LHX2: variants seen among roughly 807,000 people sequenced by gnomAD.
LHX2 encodes LIM/homeobox protein Lhx2.
LHX2 carries 6 observed loss-of-function variants against 33.0 expected under a neutral mutation model. That is an observed-to-expected ratio of 0.18 (90% CI 0.10 to 0.36). The LOEUF (loss-of-function observed/expected upper bound fraction) is 0.36. Ranked by LOEUF, LHX2 falls within the 10% of genes least tolerant of loss-of-function variation. LHX2 has a pLI of 1.00. For missense variants in LHX2, 442 were observed against 586.2 expected, an observed-to-expected ratio of 0.75 and a Z score of 2.54; for synonymous variants, 292 against 253.1, an observed-to-expected ratio of 1.15 and a Z score of -1.46.
In LHX2 at chr9:124,015,446, C is replaced by T. The variant is rs1288616885; in HGVS notation, c.648C>T (p.Gly216=). 1 of 1,572,450 alleles carries T rather than the reference C, an allele frequency of 6.4e-7. No individual in the cohort carries two copies. Among genetic ancestry groups the T allele is most frequent in the African/African-American group, 1.4e-5 (1 of 73,458 alleles). Residue 216 remains glycine (G), a synonymous_variant, in exon 3 of 5, where the codon GGC becomes GGT. Transcript: ENST00000373615. This position sits in a 1 kb window ranked among gnomAD's most constrained non-coding sequence, Gnocchi z 7.9. ...CTCTGGGTCTTCCCTACTACAATGG[C>T]GTGGGCACTGTGCAGAAGGGGCGGC... ...ANPLGLPYYN[G]VGTVQKGRPR...
In LHX2 at chr9:124,032,465, C is replaced by A. The variant is rs1391953308; in HGVS notation, c.979C>A (p.Arg327=). The A allele has an allele frequency of 1.9e-6, 3 of 1,607,482 alleles. No homozygotes were observed. The highest frequency in any genetic ancestry group is 2.5e-6 in the Non-Finnish European group (3 of 1,178,194). The change falls in exon 5 of 5, where the codon CGG becomes AGG. Residue 327 remains arginine (R), a synonymous_variant. Transcript: ENST00000373615. This position sits in a 1 kb window ranked among gnomAD's most constrained non-coding sequence, Gnocchi z 4.1. ...ARAKFRRNLL[R]QENTGVDKST... ...AGCCAAGTTCAGGCGCAACCTCTTA[C>A]GGCAGGAAAACACGGGCGTGGACAA...
At chr9:124,023,148 TG>T (rs1315572917) in intron 4 of LHX2, among the ~76,000 whole-genome samples, 1 of 152,184 alleles carries the variant, frequency 6.6e-6, no homozygotes, top group Non-Finnish European at 1.5e-5. Flanking sequence ...GACTTGGGGT[TG>T]GGCTGCCTTT....
chr9:124,018,338 C>G (rs1167010231), intron 3 of LHX2, among the ~76,000 whole-genome samples: 2 of 151,372 alleles, frequency 1.3e-5, no homozygotes, highest in African/African-American at 2.4e-5. Context: ...CGCTCCTCCC[C>G]GGATCCGATC....
chr9:124,019,018 G>A (rs1859246315), intron 3 of LHX2, among the ~76,000 whole-genome samples: 1 of 152,218 alleles, frequency 6.6e-6, no homozygotes, highest in Non-Finnish European at 1.5e-5. Flanking sequence ...TACCCCGTAG[G>A]GAGGCTGCCC....
At chr9:124,021,332 C>T (rs1859289402) in intron 4 of LHX2, 28 bp downstream of exon 4, 1 of 1,603,702 alleles carries the variant, frequency 6.2e-7, no homozygotes, top group Non-Finnish European at 8.5e-7. Flanking sequence ...GTGAGGGCAT[C>T]TGCGACCACC....
Position 124,012,452 on chromosome 9 carries a change from G to A in LHX2, c.104G>A (p.Arg35His). The A allele has an allele frequency of 6.5e-7, 1 of 1,530,008 alleles. No individual in the cohort carries two copies. The highest frequency in any genetic ancestry group is 1.2e-5 in the South Asian group (1 of 83,256). 94.8% of individuals were successfully genotyped at this position (1,530,008 alleles called of 1,614,324 possible). A position where few individuals can be genotyped will look rare whatever the true frequency, so the allele number is the denominator to read the frequency against. Residue 35 changes from arginine (R) to histidine (H), a missense_variant, in exon 1 of 5, where the codon CGC becomes CAC. Arg to His is a conservative substitution (Grantham distance 29, BLOSUM62 0). Transcript: ENST00000373615. This position sits in a 1 kb window ranked among gnomAD's most constrained non-coding sequence, Gnocchi z 4.3. Reference protein sequence around the residue: ...EAPAISSAIDRGDTETTMPSI... With the variant: ...EAPAISSAIDHGDTETTMPSI... ...CCCGCCATCAGCTCCGCCATCGACC[G>A]CGGCGACACCGAGACGGTAGGCGCG...
rs1828717387 is a variant in LHX2, at chr9:124,032,611, G to A, written c.1125G>A (p.Leu375=). ...TTLTDLTSPT[L]PTVTSVLTSV... ...TGACAGACTTGACTAGCCCCACCCT[G>A]CCAACTGTGACGTCCGTCTTAACTT... The change falls in exon 5 of 5, where the codon CTG becomes CTA. Residue 375 remains leucine (L), a synonymous_variant. Coordinates refer to ENST00000373615, the MANE Select transcript of LHX2 (RefSeq NM_004789.4). The surrounding 1 kb of genome is among the most constrained non-coding windows in gnomAD (Gnocchi z 4.1). The A allele has an allele frequency of 6.2e-7, 1 of 1,613,970 alleles. No individual in the cohort carries two copies. Among genetic ancestry groups the A allele is most frequent in the African/African-American group, 1.3e-5 (1 of 74,902 alleles).
chr9:124,024,432 G>A (rs1828572184), intron 4 of LHX2, among the ~76,000 whole-genome samples: 1 of 152,248 alleles, frequency 6.6e-6, no homozygotes, highest in Non-Finnish European at 1.5e-5. Flanking sequence ...GATGGGAACA[G>A]TTTGAGGCAG....
chr9:124,027,412 G>A (rs185633294), intron 4 of LHX2, among the ~76,000 whole-genome samples: 73 of 152,278 alleles, frequency 4.8e-4, no homozygotes, highest in African/African-American at 1.4e-3. Flanking sequence ...TGCAGTAAGA[G>A]GCACACAGTT....
intron 4 of LHX2, among the ~76,000 whole-genome samples, chr9:124,022,211 TG>T (rs1249622364): frequency 1.3e-5 from 2 of 152,200 alleles, no homozygotes; most frequent in Non-Finnish European, 2.9e-5. Context: ...TTTTGTAGCC[TG>T]TTTCCTCATA....
chr9:124,022,571 G>A (rs1203941295), intron 4 of LHX2, among the ~76,000 whole-genome samples: 3 of 152,206 alleles, frequency 2.0e-5, no homozygotes, highest in Non-Finnish European at 4.4e-5. Flanking sequence ...GGAGGTGGTG[G>A]GATTCGAGTC....
In LHX2 at chr9:124,015,536, G is replaced by A. The variant is rs1859173971; in HGVS notation, c.727+11G>A. 6.9e-7 allele frequency: 1 copy of A among 1,453,718 alleles called. No individual in the cohort carries two copies. The highest frequency in any genetic ancestry group is 9.1e-7 in the Non-Finnish European group (1 of 1,101,992). 90.1% of individuals were successfully genotyped at this position (1,453,718 alleles called of 1,614,324 possible). A position where few individuals can be genotyped will look rare whatever the true frequency, so the allele number is the denominator to read the frequency against. The stretch of plus-strand genomic sequence containing the variant: ...CGGCCTACAACGCTGGTGAGTGCGC[G>A]GCGCACGAAGCGCCCCCATAGGGTT... On this transcript the variant is annotated intron_variant, in intron 3 of 4. Coordinates refer to ENST00000373615, the MANE Select transcript of LHX2 (RefSeq NM_004789.4). The surrounding 1 kb of genome is among the most constrained non-coding windows in gnomAD (Gnocchi z 7.9).
intron 4 of LHX2, among the ~76,000 whole-genome samples, chr9:124,022,847 C>A (rs888782518): frequency 6.6e-6 from 1 of 152,126 alleles, no homozygotes; most frequent in South Asian, 2.1e-4. Context: ...GCGCTGCCCA[C>A]GGGGAGCGGG....
In LHX2 at chr9:124,012,722, C is replaced by A. The variant is rs1415569337; in HGVS notation, c.120+254C>A. On this transcript the variant is annotated intron_variant, in intron 1 of 4. Transcript: ENST00000373615. The surrounding 1 kb of genome is among the most constrained non-coding windows in gnomAD (Gnocchi z 4.3). ...GAGAGCGTTTCTTCCGAACTGGAAG[C>A]GAAGTCCCATCCGCGGCCCGGGGCG... is the stretch of plus-strand genomic sequence containing the variant. Among the ~76,000 whole-genome samples the A allele has an allele frequency of 6.6e-6, 1 of 152,224 alleles. No individual in the cohort carries two copies. The highest frequency in any genetic ancestry group is 2.4e-5 in the African/African-American group (1 of 41,464).
chr9:124,019,861 G>A (rs1859262352), intron 3 of LHX2, among the ~76,000 whole-genome samples: 1 of 152,198 alleles, frequency 6.6e-6, no homozygotes, highest in Admixed American at 6.5e-5. Flanking sequence ...GGTGCCATGA[G>A]GAGGCGACCT....
At chr9:124,029,852 T>C (rs1338022429) in intron 4 of LHX2, among the ~76,000 whole-genome samples, 6 of 152,180 alleles carry the variant, frequency 3.9e-5, no homozygotes, top group Admixed American at 3.9e-4. Context: ...CTGCATGACT[T>C]TGGGGAAGTC....
intron 3 of LHX2, among the ~76,000 whole-genome samples, chr9:124,020,793 T>TTGCTGCTGCTGC (rs112069275): frequency 6.6e-6 from 1 of 152,044 alleles, no homozygotes; most frequent in Non-Finnish European, 1.5e-5. Context: ...GTAGCTGTTG[T>TTGCTGCTGCTGC]TGCTGCTGCT....
rs1456308379 is a variant in LHX2, at chr9:124,021,118, C to T, written c.747C>T (p.Asn249=). 3 of 1,613,936 alleles carry T rather than the reference C, an allele frequency of 1.9e-6. No individual in the cohort carries two copies. The highest frequency in any genetic ancestry group is 1.1e-5 in the South Asian group (1 of 91,088). ...CCCTAGCGCTAAGCTGCAACGAAAA[C>T]GACGCAGAGCACCTGGACCGTGACC... ...AYNAALSCNE[N]DAEHLDRDQP... Residue 249 remains asparagine (N), a synonymous_variant, in exon 4 of 5, where the codon AAC becomes AAT. Transcript: ENST00000373615.
chr9:124,024,583 G>A (rs1327152941), intron 4 of LHX2, among the ~76,000 whole-genome samples: 1 of 152,220 alleles, frequency 6.6e-6, no homozygotes, highest in Admixed American at 6.5e-5. Flanking sequence ...TACCTTACTG[G>A]TGGTTGCACG....
Sources: gnomAD v4.1 joint callset for allele counts (sites outside exome capture counted in the v4.1 genomes callset) on GRCh38, gnomAD v4.1.1 for gene constraint, Gnocchi (gnomAD v3.1) non-coding constraint, MANE v1.5 for transcripts, NCBI Gene and HGNC (gene_info 2026-07-23, HGNC 2026-07-21) for gene names.